The following PTPRS variants were observed in gnomAD, a reference collection of about 807,000 sequenced individuals.
PTPRS encodes the protein protein tyrosine phosphatase receptor type S.
Under a neutral mutation model 215.3 loss-of-function variants are expected in PTPRS, and 63 were observed. The ratio of observed to expected loss-of-function variants is 0.29; its 90% CI spans 0.24 to 0.36. The LOEUF is 0.36. Among genes scored for constraint, PTPRS ranks in the 10% least tolerant of loss-of-function variants. The pLI is 1.00. For missense variants in PTPRS, 2,258 were observed against 2,825.8 expected (o/e 0.80, Z 4.56); for synonymous variants, 1,404 against 1,191.4 (o/e 1.18, Z -3.68).
Position 5,338,778 on chromosome 19 carries a change from C to A in PTPRS, c.-95+1886G>T, listed in dbSNP as rs1333270286. Among the ~76,000 whole-genome samples the A allele has an allele frequency of 6.6e-6, 1 of 152,168 alleles. No homozygotes were observed. The highest frequency in any genetic ancestry group is 2.4e-5 in the African/African-American group (1 of 41,438). ...ACCAAGTCCCTGGGCCATTAATAAA[C>A]GCTCCAGCAGCTGCCGCTGGTATCG... is the stretch of plus-strand genomic sequence containing the variant. On this transcript the variant is annotated intron_variant, in intron 1 of 37. Transcript: ENST00000262963. This position sits in a 1 kb window ranked among gnomAD's most constrained non-coding sequence, Gnocchi z 4.2.
chr19:5,301,181 T>C (rs1212397742), intron 1 of PTPRS, among the ~76,000 whole-genome samples: 24 of 152,152 alleles, frequency 1.6e-4, no homozygotes, highest in Admixed American at 1.3e-3. Flanking sequence ...AGCGCCAACA[T>C]GCTGACTCAG....
chr19:5,256,212 C>T, intron 8 of PTPRS, 93 bp from the exon 9 acceptor site: 2 of 1,031,062 alleles, frequency 1.9e-6, no homozygotes, highest in Non-Finnish European at 2.7e-6. Flanking sequence ...AGAGGACTTC[C>T]CAAGGCTAAA....
intron 17 of PTPRS, among the ~76,000 whole-genome samples, chr19:5,224,174 G>A (rs531330690): frequency 0.014 from 593 of 41,982 alleles, 4 homozygotes; most frequent in Non-Finnish European, 0.019. Context: ...GCAAGACTCC[G>A]TCTTAAAAAT....
chr19:5,306,412 T>A (rs1456703194), intron 1 of PTPRS, among the ~76,000 whole-genome samples: 5 of 152,156 alleles, frequency 3.3e-5, no homozygotes, highest in Non-Finnish European at 7.4e-5. Context: ...CCCAAAGTGC[T>A]GGGATTACAG....
At position 5,229,557 on chromosome 19, in the gene PTPRS, C is replaced by T; in HGVS notation, c.2283G>A (p.Val761=). 9.5e-6 allele frequency: 14 copies of T among 1,466,072 alleles called. No homozygotes were observed. The highest frequency in any genetic ancestry group is 1.3e-5 in the Non-Finnish European group (14 of 1,110,874). The allele number at this position is 1,466,072 out of a possible 1,614,324, so 90.8% of individuals were successfully genotyped here. A position where few individuals can be genotyped will look rare whatever the true frequency, so the allele number is the denominator to read the frequency against. Residue 761 remains valine, a synonymous_variant, in exon 15 of 38, where the codon GTG becomes GTA. Transcript: ENST00000262963. ...CGCGGGCCTCGGCGCCCTCCATGCG[C>T]ACGTAGTGGACCTGGTAGCCGCGGA... ...GQIRGYQVHY[V]RMEGAEARGP...
chr19:5,211,658 G>C lies in PTPRS; in HGVS notation c.5166C>G (p.Val1722=), dbSNP rs1961953943. The C allele has an allele frequency of 6.2e-7, 1 of 1,614,122 alleles. No homozygotes were observed. The highest frequency in any genetic ancestry group is 1.3e-5 in the African/African-American group (1 of 75,038). ...VNIMPYESTR[V]CLQPIRGVEG... is the part of the protein sequence containing the mutation. ...CCACACCCCGGATGGGTTGCAGACA[G>C]ACCCGTGTGCTCTCATAGGGCATGA... The change falls in exon 33 of 38, where the codon GTC becomes GTG. Residue 1722 remains valine (V), a synonymous_variant. Transcript: ENST00000262963.
chr19:5,322,894 AAAAAAAGAAG>A (rs1384616314), intron 1 of PTPRS, among the ~76,000 whole-genome samples: 3 of 145,166 alleles, frequency 2.1e-5, no homozygotes, highest in East Asian at 2.0e-4. Context: ...AAAAAAAAAA[AAAAAAAGAAG>A]AAGAAGAAGA....
At chr19:5,249,177 G>A (rs184240547) in intron 9 of PTPRS, among the ~76,000 whole-genome samples, 5 of 152,278 alleles carry the variant, frequency 3.3e-5, no homozygotes, top group East Asian at 1.9e-4. Flanking sequence ...CAGGCGTGGC[G>A]GCGGGCGCCT....
intron 37 of PTPRS, 71 bp from the exon 38 acceptor site, chr19:5,206,913 A>G: frequency 7.0e-7 from 1 of 1,422,908 alleles, no homozygotes; most frequent in Non-Finnish European, 9.9e-7. Context: ...TATCGCCCTC[A>G]GGAGCAGGCC....
At chr19:5,217,949 T>G (rs374932360) in intron 25 of PTPRS, among the ~76,000 whole-genome samples, 1 of 151,872 alleles carries the variant, frequency 6.6e-6, no homozygotes, top group East Asian at 1.9e-4. Flanking sequence ...GCAGCCATGG[T>G]GGGAAGAGGT....
intron 4 of PTPRS, among the ~76,000 whole-genome samples, chr19:5,265,474 C>T (rs889785510): frequency 7.9e-5 from 12 of 152,190 alleles, no homozygotes; most frequent in East Asian, 7.7e-4. Flanking sequence ...CCTGAGTAGC[C>T]GGGACTACAA....
intron 1 of PTPRS, among the ~76,000 whole-genome samples, chr19:5,328,290 A>G (rs906987141): frequency 6.6e-6 from 1 of 152,062 alleles, no homozygotes; most frequent in Non-Finnish European, 1.5e-5. Context: ...CTGTATTTTT[A>G]GTAGAGACTG....
intron 2 of PTPRS, among the ~76,000 whole-genome samples, chr19:5,275,715 AG>A (rs1221839382): frequency 1.3e-5 from 2 of 152,180 alleles, no homozygotes; most frequent in Non-Finnish European, 2.9e-5. Flanking sequence ...CTGAGGCAGA[AG>A]AATTGCTTGA....
intron 26 of PTPRS, among the ~76,000 whole-genome samples, chr19:5,216,170 G>A (rs561038919): frequency 7.2e-5 from 11 of 152,190 alleles, no homozygotes; most frequent in East Asian, 1.9e-4. Flanking sequence ...CTGTCCCTGC[G>A]CTTGCTTGGG....
intron 1 of PTPRS, among the ~76,000 whole-genome samples, chr19:5,303,936 G>A (rs2049383357): frequency 2.0e-5 from 1 of 49,940 alleles, no homozygotes; most frequent in African/African-American, 1.9e-4. Context: ...GGGTGACACA[G>A]CGAGACTCTG....
intron 4 of PTPRS, among the ~76,000 whole-genome samples, chr19:5,269,432 G>A (rs1236691300): frequency 6.6e-6 from 1 of 152,126 alleles, no homozygotes; most frequent in Non-Finnish European, 1.5e-5. Flanking sequence ...GGCAGAGGAG[G>A]AGGAAGGCAG....
At chr19:5,258,558 T>A (rs148054946) in intron 7 of PTPRS, among the ~76,000 whole-genome samples, 1 of 152,186 alleles carries the variant, frequency 6.6e-6, no homozygotes, top group Admixed American at 6.5e-5. Context: ...CCACAAATCA[T>A]GTGAAAATTC....
At chr19:5,215,805 T>C (rs1342042358) in intron 26 of PTPRS, among the ~76,000 whole-genome samples, 3 of 151,852 alleles carry the variant, frequency 2.0e-5, no homozygotes. Context: ...AGGCAGCAGG[T>C]TTGAGGCCCT....
Position 5,293,796 on chromosome 19 carries a change from G to T in PTPRS, c.-94-7562C>A, listed in dbSNP as rs2049031956. On this transcript the variant is annotated intron_variant, in intron 1 of 37. Transcript: ENST00000262963. The surrounding 1 kb of genome is among the most constrained non-coding windows in gnomAD (Gnocchi z 8.4). ...CTTCCCTCCCGCTGGGGGTCCAGGG[G>T]AATGAATGGGGGGACACCGTGGCAG... Among the ~76,000 whole-genome samples, 1 of 152,254 alleles carries T rather than the reference G, an allele frequency of 6.6e-6. No homozygotes were observed. Among genetic ancestry groups the T allele is most frequent in the East Asian group, 1.9e-4 (1 of 5,146 alleles).
Sources: allele counts gnomAD v4.1 joint callset (sites outside exome capture counted in the v4.1 genomes callset), GRCh38; gene constraint gnomAD v4.1.1; non-coding constraint Gnocchi (gnomAD v3.1); transcripts MANE v1.5; gene names NCBI Gene and HGNC (gene_info 2026-07-23, HGNC 2026-07-21).